Variants in MEF2A observed in about 807,000 individuals in gnomAD.
MEF2A encodes the protein myocyte-specific enhancer factor 2A.
A neutral mutation model predicts 55.8 loss-of-function variants in MEF2A; 28 were observed. The observed-to-expected ratio is 0.50, with a 90% CI of 0.37 to 0.69. The LOEUF (loss-of-function observed/expected upper bound fraction) is 0.69, where lower values mean the gene tolerates loss of function less well. Ranked by LOEUF, MEF2A falls within the 30% of genes least tolerant of loss-of-function variation. The pLI, the probability that MEF2A is intolerant of heterozygous loss-of-function variation, is 0.00. For synonymous variants in MEF2A, 239 were observed against 227.1 expected, an observed-to-expected ratio of 1.05 and a Z score of -0.47; for missense variants, 528 against 626.2, an observed-to-expected ratio of 0.84 and a Z score of 1.67.
At chr15:99,635,499 TAA>T (rs2043639317) in intron 3 of MEF2A, among the ~76,000 whole-genome samples, 1 of 152,258 alleles carries the variant, frequency 6.6e-6, no homozygotes, top group African/African-American at 2.4e-5. Flanking sequence ...TCAGAAATCC[TAA>T]GAGTGTGGTT....
At chr15:99,702,295 C>T (rs1375406038) in intron 8 of MEF2A, among the ~76,000 whole-genome samples, 1 of 152,158 alleles carries the variant, frequency 6.6e-6, no homozygotes, top group African/African-American at 2.4e-5. Flanking sequence ...GTATCAGTGG[C>T]ACTTACAATG....
chr15:99,574,742 C>A (rs1026598879), intron 1 of MEF2A, among the ~76,000 whole-genome samples: 3 of 152,204 alleles, frequency 2.0e-5, no homozygotes, highest in Non-Finnish European at 4.4e-5. Context: ...CCGCTCATCT[C>A]TTGCTGTGTG....
At chr15:99,691,245 T>C (rs2055402766) in intron 8 of MEF2A, among the ~76,000 whole-genome samples, 1 of 152,044 alleles carries the variant, frequency 6.6e-6, no homozygotes, top group Non-Finnish European at 1.5e-5. Context: ...GAATGAGTTT[T>C]TAAAAAGTAA....
intron 4 of MEF2A, among the ~76,000 whole-genome samples, chr15:99,666,405 C>T (rs1279222958): frequency 2.6e-5 from 4 of 151,858 alleles, no homozygotes; most frequent in African/African-American, 4.8e-5. Flanking sequence ...CACATGGACA[C>T]GGAGCGGAAC....
chr15:99,674,758 A>AT (rs1443276262), intron 6 of MEF2A, 146 bp downstream of exon 6: 10 of 693,732 alleles, frequency 1.4e-5, no homozygotes, highest in African/African-American at 3.6e-5. Flanking sequence ...ATTTTAAAGT[A>AT]TTTTTTTGAA....
intron 4 of MEF2A, among the ~76,000 whole-genome samples, chr15:99,656,616 C>G (rs1048324208): frequency 1.3e-5 from 2 of 151,978 alleles, no homozygotes; most frequent in Admixed American, 6.6e-5. Context: ...GTATACATTC[C>G]CAGAGCTTTC....
At chr15:99,645,418 A>G in intron 3 of MEF2A, 143 bp from the exon 4 acceptor site, 1 of 617,526 alleles carries the variant, frequency 1.6e-6, no homozygotes, top group Non-Finnish European at 2.8e-6. Flanking sequence ...CAGGAGAGGG[A>G]AGGCTCATAT....
chr15:99,687,567 G>A (rs898788045), intron 7 of MEF2A, among the ~76,000 whole-genome samples: 8 of 152,088 alleles, frequency 5.3e-5, no homozygotes, highest in East Asian at 1.9e-4. Flanking sequence ...GTGCTTTAAC[G>A]TGTTTTTCTC....
At chr15:99,702,372 T>G (rs2057498592) in intron 8 of MEF2A, among the ~76,000 whole-genome samples, 1 of 152,100 alleles carries the variant, frequency 6.6e-6, no homozygotes, top group African/African-American at 2.4e-5. Flanking sequence ...CTGATTAGAC[T>G]GTTTCTAGCA....
chr15:99,692,021 C>G (rs2055579660), intron 8 of MEF2A, among the ~76,000 whole-genome samples: 1 of 152,184 alleles, frequency 6.6e-6, no homozygotes, highest in African/African-American at 2.4e-5. Flanking sequence ...AACTGTTTGA[C>G]TACTACCATA....
Position 99,582,077 on chromosome 15 carries a change from GA to G in MEF2A, c.-225+15981del, listed in dbSNP as rs944612574. ...TTTAAATTTTGTTCTTCAGGTAAAA[GA>G]AAAAAAAGAGCCATTGACAGTTTGT... On this transcript the variant is annotated intron_variant, in intron 1 of 11. Transcript: ENST00000557942. 1.8e-4 allele frequency among the ~76,000 whole-genome samples: 27 copies of G among 151,280 alleles called. No individual in the cohort carries two copies. In the Middle Eastern group the frequency reaches 0.034, roughly 191 times the overall value.
At chr15:99,702,535 C>G (rs2057531566) in intron 8 of MEF2A, among the ~76,000 whole-genome samples, 1 of 149,072 alleles carries the variant, frequency 6.7e-6, no homozygotes, top group Non-Finnish European at 1.5e-5. Context: ...TCAAGCAATT[C>G]TCCTGCCTCA....
At chr15:99,705,855 C>A (rs937466774) in intron 9 of MEF2A, among the ~76,000 whole-genome samples, 5 of 152,300 alleles carry the variant, frequency 3.3e-5, no homozygotes, top group East Asian at 1.9e-4. Flanking sequence ...TGTGCTGTGG[C>A]TTTCTTATGT....
At chr15:99,617,078 C>A (rs2040319298) in intron 2 of MEF2A, among the ~76,000 whole-genome samples, 1 of 152,160 alleles carries the variant, frequency 6.6e-6, no homozygotes, top group Non-Finnish European at 1.5e-5. Context: ...ACGAGAATTG[C>A]TTGCTCTTCT....
rs1246144047 is a variant in MEF2A at position 99,712,602 on chromosome 15, G to C, written c.1349G>C (p.Arg450Pro). 6.4e-7 allele frequency: 1 copy of C among 1,551,558 alleles called. No homozygotes were observed. The highest frequency in any genetic ancestry group is 1.4e-5 in the African/African-American group (1 of 72,970). The change falls in exon 12 of 12, where the codon CGC (arginine) becomes CCC (proline). Residue 450 changes from arginine to proline, a missense_variant. Arg to Pro is a moderately radical substitution (Grantham distance 103). Transcript: ENST00000557942. This position sits in a 1 kb window ranked among gnomAD's most constrained non-coding sequence, Gnocchi z 4.1. ...CCCCAGCCCCGACAGGAAATGGGGC[G>C]CTCCCCTGTGGACAGTCTGAGCAGC... is the stretch of plus-strand genomic sequence containing the variant. Reference protein sequence around the residue: ...PQPQPRQEMGRSPVDSLSSSS... With the variant: ...PQPQPRQEMGPSPVDSLSSSS...
intron 8 of MEF2A, among the ~76,000 whole-genome samples, chr15:99,692,241 G>GTTA (rs1459951793): frequency 1.3e-5 from 2 of 152,186 alleles, no homozygotes; most frequent in Non-Finnish European, 2.9e-5. Context: ...TGGAAACTGA[G>GTTA]TTAAAGGTTA....
At chr15:99,653,078 TATAAG>T (rs1044105556) in intron 4 of MEF2A, among the ~76,000 whole-genome samples, 19 of 152,222 alleles carry the variant, frequency 1.2e-4, no homozygotes, top group African/African-American at 4.3e-4. Context: ...ATATAACTAT[TATAAG>T]ATAAGATATT....
At chr15:99,670,366 T>A (rs955477780) in intron 4 of MEF2A, among the ~76,000 whole-genome samples, 2 of 152,294 alleles carry the variant, frequency 1.3e-5, no homozygotes. Flanking sequence ...CCCAGCACTT[T>A]GGGAGGCTGA....
At chr15:99,689,487 G>T (rs2054940947) in intron 7 of MEF2A, among the ~76,000 whole-genome samples, 1 of 151,934 alleles carries the variant, frequency 6.6e-6, no homozygotes, top group Non-Finnish European at 1.5e-5. Flanking sequence ...TCTTTTGCTT[G>T]TTTGTTTCTT....
Sources: allele counts gnomAD v4.1 joint callset (sites outside exome capture counted in the v4.1 genomes callset), GRCh38; gene constraint gnomAD v4.1.1; non-coding constraint Gnocchi (gnomAD v3.1); transcripts MANE v1.5; gene names NCBI Gene and HGNC (gene_info 2026-07-23, HGNC 2026-07-21).